Variants in FOXP2 observed in about 807,000 individuals in gnomAD.
The protein encoded by FOXP2 is forkhead box protein P2.
FOXP2 carries 12 observed loss-of-function variants against 115.8 expected under a neutral mutation model. The observed-to-expected ratio is 0.10, with a 90% confidence interval of 0.07 to 0.17. The LOEUF (loss-of-function observed/expected upper bound fraction) is 0.17, where lower values mean the gene tolerates loss of function less well. FOXP2 is among the 10% of genes least tolerant of loss of function. The pLI, the probability that FOXP2 is intolerant of heterozygous loss-of-function variation, is 1.00. For missense variants in FOXP2, 629 were observed against 843.5 expected (o/e 0.75, Z 3.15); for synonymous variants, 328 against 297.7 (o/e 1.10, Z -1.05).
chr7:114,679,117 A>T (rs764466986), intron 16 of FOXP2, among the ~76,000 whole-genome samples: 6 of 152,132 alleles, frequency 3.9e-5, no homozygotes, highest in Non-Finnish European at 8.8e-5. Flanking sequence ...GGCACCCGCC[A>T]CCATGCCCGG....
intron 3 of FOXP2, among the ~76,000 whole-genome samples, chr7:114,610,783 T>G (rs1020505327): frequency 6.6e-6 from 1 of 151,850 alleles, no homozygotes; most frequent in Non-Finnish European, 1.5e-5. Flanking sequence ...CACAGACATA[T>G]GCCACCATGT....
intron 1 of FOXP2, among the ~76,000 whole-genome samples, chr7:114,169,807 T>TG (rs1793090508): frequency 6.6e-6 from 1 of 152,008 alleles, no homozygotes; most frequent in South Asian, 2.1e-4. Context: ...AATTGAATCA[T>TG]GGGACAGGTC....
intron 1 of FOXP2, among the ~76,000 whole-genome samples, chr7:114,267,630 G>A (rs985466646): frequency 2.0e-5 from 3 of 151,694 alleles, no homozygotes; most frequent in Non-Finnish European, 2.9e-5. Flanking sequence ...GGGAGGCTGA[G>A]GCAGGAGAGT....
chr7:114,669,525 C>T (rs1419113352), intron 16 of FOXP2: 4 of 151,918 alleles, frequency 2.6e-5, no homozygotes, highest in African/African-American at 4.8e-5. Flanking sequence ...ACCTGAATGC[C>T]AATATTCCCT....
intron 2 of FOXP2, among the ~76,000 whole-genome samples, chr7:114,533,698 C>T (rs759408116): frequency 8.6e-5 from 13 of 151,720 alleles, no homozygotes; most frequent in Non-Finnish European, 1.6e-4. Flanking sequence ...GTTCATTGAA[C>T]TCAGTTGTTG....
chr7:114,609,410 G>T (rs796439022), intron 3 of FOXP2, among the ~76,000 whole-genome samples: 17 of 152,220 alleles, frequency 1.1e-4, no homozygotes, highest in African/African-American at 4.1e-4. Context: ...TCAATTATAA[G>T]TGTATAAAGA....
chr7:114,670,442 C>T (rs1004563048), intron 16 of FOXP2, among the ~76,000 whole-genome samples: 1 of 151,924 alleles, frequency 6.6e-6, no homozygotes, highest in African/African-American at 2.4e-5. Flanking sequence ...TTGTATACAT[C>T]ACATACCCCA....
rs550242056 is a variant in FOXP2 at position 114,470,843 on chromosome 7, G to T, written c.168+44164G>T. On this transcript the variant is annotated intron_variant, in intron 2 of 16. Transcript: ENST00000350908. Reference sequence around the variant, plus strand: ...TTATCTCTCCCTCGGGGAAGGGGAAGGGGGAGAGCATTTCCCTTTGTGTTC... The same window carrying T: ...TTATCTCTCCCTCGGGGAAGGGGAATGGGGAGAGCATTTCCCTTTGTGTTC... 7.9e-5 allele frequency among the ~76,000 whole-genome samples: 12 copies of T among 152,000 alleles called. No homozygotes were observed. In the East Asian group the frequency reaches 9.7e-4, roughly 12 times the overall value.
intron 3 of FOXP2, among the ~76,000 whole-genome samples, chr7:114,623,626 C>A (rs1450613430): frequency 6.6e-6 from 1 of 151,758 alleles, no homozygotes; most frequent in Non-Finnish European, 1.5e-5. Context: ...CTGGTTTTCA[C>A]CAGCAGTACA....
At chr7:114,286,974 A>G (rs1796481007) in intron 1 of FOXP2, among the ~76,000 whole-genome samples, 1 of 152,086 alleles carries the variant, frequency 6.6e-6, no homozygotes, top group Non-Finnish European at 1.5e-5. Flanking sequence ...TAAATGTTCA[A>G]CAAAGATGGC....
At chr7:114,628,452 A>G (rs1326240278) in intron 3 of FOXP2, 88 bp from the exon 4 acceptor site, 43 of 1,547,862 alleles carry the variant, frequency 2.8e-5, no homozygotes, top group Non-Finnish European at 3.7e-5. Flanking sequence ...TAAAGAATTT[A>G]TAAAAGATAA....
At chr7:114,662,260 G>T in intron 14 of FOXP2, 74 bp downstream of exon 14, 1 of 1,596,018 alleles carries the variant, frequency 6.3e-7, no homozygotes, top group East Asian at 2.3e-5. Context: ...GTTGGGGCTG[G>T]GGTGGGGAGA....
chr7:114,673,054 C>T, intron 16 of FOXP2, among the ~76,000 whole-genome samples: 1 of 152,196 alleles, frequency 6.6e-6, no homozygotes, highest in East Asian at 1.9e-4. Context: ...ACTCATATTA[C>T]CTATCTGATT....
At chr7:114,139,438 T>C (rs1009626271) in intron 1 of FOXP2, among the ~76,000 whole-genome samples, 2 of 152,128 alleles carry the variant, frequency 1.3e-5, no homozygotes, top group African/African-American at 2.4e-5. Context: ...ATATATTACA[T>C]TACATGAGGT....
Position 114,690,843 on chromosome 7 carries a change from C to A in FOXP2, c.*917C>A, listed in dbSNP as rs761834981. The A allele has an allele frequency of 4.8e-5, 22 of 454,398 alleles. No homozygotes were observed. Among genetic ancestry groups the A allele is most frequent in the South Asian group, 3.3e-4 (21 of 64,484 alleles). The allele number at this position is 454,398 out of a possible 1,614,324, so 28.1% of individuals were successfully genotyped here. ...GTAACTTCAATTAGTACAAAGGAACCTTTTCCATGAACTACCTGCTGTTTT... is the reference window on the plus strand; with the variant it reads ...GTAACTTCAATTAGTACAAAGGAACATTTTCCATGAACTACCTGCTGTTTT... On this transcript the variant is annotated 3_prime_UTR_variant, in exon 17 of 17. Transcript: ENST00000350908.
At chr7:114,367,724 C>T (rs1489798876) in intron 2 of FOXP2, among the ~76,000 whole-genome samples, 1 of 152,128 alleles carries the variant, frequency 6.6e-6, no homozygotes, top group African/African-American at 2.4e-5. Flanking sequence ...TGTACTAACA[C>T]TACTTTCTAA....
chr7:114,163,514 A>G (rs1461033627), intron 1 of FOXP2, among the ~76,000 whole-genome samples: 2 of 152,098 alleles, frequency 1.3e-5, no homozygotes, highest in Non-Finnish European at 2.9e-5. Context: ...CTGGTAAAAG[A>G]TACATTAATT....
At chr7:114,179,834 A>G (rs1322530723) in intron 1 of FOXP2, among the ~76,000 whole-genome samples, 1 of 152,030 alleles carries the variant, frequency 6.6e-6, no homozygotes, top group Non-Finnish European at 1.5e-5. Flanking sequence ...ATCCATGTAG[A>G]ATATAACTAT....
rs116328681 is a variant in FOXP2, at chr7:114,180,221, C to T, written c.-102+17133C>T. 1.5e-3 allele frequency among the ~76,000 whole-genome samples: 232 copies of T among 152,054 alleles called. 2 individuals carry two copies. Among genetic ancestry groups the T allele is most frequent in the African/African-American group, 5.5e-3 (228 of 41,534 alleles). Reference sequence around the variant, plus strand: ...CTACATCTAAAGGACAGTTTTTAATCGCTTGTCTTCTCTGAAGTATTTAAC... The same window carrying T: ...CTACATCTAAAGGACAGTTTTTAATTGCTTGTCTTCTCTGAAGTATTTAAC... On this transcript the variant is annotated intron_variant, in intron 1 of 17. Coordinates refer to the FOXP2 transcript ENST00000634411.
Sources: allele counts gnomAD v4.1 joint callset (sites outside exome capture counted in the v4.1 genomes callset), GRCh38; gene constraint gnomAD v4.1.1; transcripts MANE v1.5; gene names NCBI Gene and HGNC (gene_info 2026-07-23, HGNC 2026-07-21).